Variants in HEPACAM2 observed in about 807,000 individuals in gnomAD.
HEPACAM2 encodes HEPACAM family member 2.
HEPACAM2 carries 49 observed loss-of-function variants against 49.6 expected under a neutral mutation model. The ratio of observed to expected loss-of-function variants is 0.99; its 90% CI spans 0.78 to 1.25. The LOEUF is 1.25. Among genes scored for constraint, HEPACAM2 ranks in the 50% most tolerant of loss-of-function variants. The probability of loss-of-function intolerance (pLI) is 0.00; values close to 1 mark genes in which losing one functional copy is unlikely to be tolerated. For synonymous variants in HEPACAM2, 197 were observed against 202.9 expected, an observed-to-expected ratio of 0.97 and a Z score of 0.25; for missense variants, 525 against 557.2, an observed-to-expected ratio of 0.94 and a Z score of 0.58.
At chr7:93,192,426 G>T in intron 8 of HEPACAM2, 63 bp from the exon 9 acceptor site, 1 of 1,218,476 alleles carries the variant, frequency 8.2e-7, no homozygotes, top group Non-Finnish European at 1.2e-6. Flanking sequence ...TTTCCACTAT[G>T]TTGCATAGTT....
At chr7:93,218,812 T>C (rs1562833766) in intron 2 of HEPACAM2, among the ~76,000 whole-genome samples, 1 of 152,106 alleles carries the variant, frequency 6.6e-6, no homozygotes, top group African/African-American at 2.4e-5. Context: ...CTCATCAAAT[T>C]AGCAACATTA....
intron 1 of HEPACAM2, among the ~76,000 whole-genome samples, chr7:93,220,346 G>C (rs1454779552): frequency 6.6e-6 from 1 of 152,212 alleles, no homozygotes; most frequent in Non-Finnish European, 1.5e-5. Context: ...AACTGTGCTG[G>C]AAACTAGGGT....
chr7:93,196,892 C>T (rs537819394), intron 7 of HEPACAM2, among the ~76,000 whole-genome samples: 14 of 152,156 alleles, frequency 9.2e-5, no homozygotes, highest in African/African-American at 2.9e-4. Flanking sequence ...GTGATAGAAC[C>T]CTTTGGCATT....
At chr7:93,219,025 G>T in intron 2 of HEPACAM2, 76 bp downstream of exon 2, 1 of 1,273,248 alleles carries the variant, frequency 7.9e-7, no homozygotes, top group South Asian at 1.4e-5. Flanking sequence ...ATCTAAAGCC[G>T]AAGTAGTTTA....
chr7:93,192,702 CAT>C (rs1793586281), intron 8 of HEPACAM2, among the ~76,000 whole-genome samples: 1 of 151,998 alleles, frequency 6.6e-6, no homozygotes, highest in Non-Finnish European at 1.5e-5. Flanking sequence ...AATCAGATAG[CAT>C]ATATCATTAT....
chr7:93,195,958 T>C, intron 7 of HEPACAM2, 57 bp from the exon 8 acceptor site: 1 of 1,259,272 alleles, frequency 7.9e-7, no homozygotes, highest in Non-Finnish European at 1.2e-6. Context: ...GCTGTTGTTT[T>C]TTAAACCTTT....
intron 8 of HEPACAM2, 25 bp from the exon 9 acceptor site, chr7:93,192,388 TA>T: frequency 6.5e-7 from 1 of 1,542,022 alleles, no homozygotes; most frequent in Non-Finnish European, 8.9e-7. Flanking sequence ...ACATTAAAAA[TA>T]AATTATCTCA....
At chr7:93,215,761 T>C in intron 2 of HEPACAM2, 76 bp from the exon 3 acceptor site, 3 of 1,385,808 alleles carry the variant, frequency 2.2e-6, no homozygotes, top group Non-Finnish European at 2.0e-6. Context: ...GTCTTTCAAA[T>C]ATGAACTCCT....
At chr7:93,194,919 A>ATTTTTTTT (rs1562820485) in intron 8 of HEPACAM2, among the ~76,000 whole-genome samples, 1 of 102,396 alleles carries the variant, frequency 9.8e-6, no homozygotes, top group Non-Finnish European at 1.8e-5. Flanking sequence ...ACTTTAAAAG[A>ATTTTTTTT]TCTTTTTTTT....
rs374966239 is a variant in HEPACAM2 at position 93,197,459 on chromosome 7, AT to A, written c.1138+25del. ...TTTAGTACACATATATACAGCTTCA[AT>A]TTTTTTTTTGTAATTTTAACCTACC... On this transcript the variant is annotated intron_variant, in intron 5 of 9. Coordinates refer to ENST00000394468, the MANE Select transcript of HEPACAM2 (RefSeq NM_001039372.4). 3,797 of 1,384,512 alleles carry A rather than the reference AT, an allele frequency of 2.7e-3. 37 individuals are homozygous for A. The African/African-American group carries it at 0.036, about 13-fold the overall frequency. 85.8% of individuals were successfully genotyped at this position (1,384,512 alleles called of 1,614,324 possible).
At chr7:93,203,898 A>G (rs1793959430) in intron 4 of HEPACAM2, among the ~76,000 whole-genome samples, 3 of 152,100 alleles carry the variant, frequency 2.0e-5, no homozygotes, top group African/African-American at 7.2e-5. Flanking sequence ...TCCACACTCC[A>G]TCATAGGCCC....
chr7:93,203,791 A>T (rs1198320029), intron 4 of HEPACAM2, among the ~76,000 whole-genome samples: 1 of 152,130 alleles, frequency 6.6e-6, no homozygotes. Flanking sequence ...ATCAAAATGA[A>T]GTCTTGAGAT....
chr7:93,201,752 T>C (rs1793888673), intron 4 of HEPACAM2, among the ~76,000 whole-genome samples: 1 of 152,098 alleles, frequency 6.6e-6, no homozygotes, highest in Non-Finnish European at 1.5e-5. Context: ...CCTCTCTGTA[T>C]ATGATGTCAT....
At chr7:93,212,191 T>G (rs1278582111) in intron 3 of HEPACAM2, among the ~76,000 whole-genome samples, 1 of 152,118 alleles carries the variant, frequency 6.6e-6, no homozygotes, top group Non-Finnish European at 1.5e-5. Flanking sequence ...TTTAATAAGT[T>G]CATTCTGGTT....
chr7:93,225,921 A>T, intron 1 of HEPACAM2: 1 of 1,439,534 alleles, frequency 6.9e-7, no homozygotes, highest in South Asian at 1.3e-5. Context: ...AGATAACTTA[A>T]AACGAAGCAG....
In HEPACAM2 at chr7:93,215,687, T is replaced by C. The variant is rs769488284; in HGVS notation, c.431-2A>G. On this transcript the variant is annotated splice_acceptor_variant, in intron 2 of 9. Transcript: ENST00000394468. LOFTEE classifies it high-confidence loss of function. The stretch of plus-strand genomic sequence containing the variant: ...GCACCACTGGCTTTGTGACAGGATC[T>C]GCAATATTAAGAGAGATATGAATGA... The C allele has an allele frequency of 6.2e-7, 1 of 1,612,122 alleles. No individual in the cohort carries two copies. Among genetic ancestry groups the C allele is most frequent in the South Asian group, 1.1e-5 (1 of 91,000 alleles).
chr7:93,192,149 CT>C (rs1793565760), intron 9 of HEPACAM2, 104 bp downstream of exon 9: 1 of 716,036 alleles, frequency 1.4e-6, no homozygotes. Context: ...GCTATAATTT[CT>C]TGTTTTGGTA....
At chr7:93,207,841 T>C (rs1272008951) in intron 4 of HEPACAM2, among the ~76,000 whole-genome samples, 1 of 151,804 alleles carries the variant, frequency 6.6e-6, no homozygotes, top group Admixed American at 6.6e-5. Flanking sequence ...AAGATATAGA[T>C]TTGGGATGTA....
At chr7:93,206,428 C>T (rs1195612693) in intron 4 of HEPACAM2, among the ~76,000 whole-genome samples, 1 of 151,860 alleles carries the variant, frequency 6.6e-6, no homozygotes, top group African/African-American at 2.4e-5. Context: ...AATATTTGGC[C>T]CATAGTGAGT....
Sources: allele counts gnomAD v4.1 joint callset (sites outside exome capture counted in the v4.1 genomes callset), GRCh38; gene constraint gnomAD v4.1.1; transcripts MANE v1.5; gene names NCBI Gene and HGNC (gene_info 2026-07-23, HGNC 2026-07-21).